The following GFM2 variants were observed in gnomAD, a reference collection of about 807,000 sequenced individuals.
GFM2 encodes ribosome-releasing factor 2, mitochondrial.
In GFM2, 72 loss-of-function variants were observed where a neutral mutation model predicts 95.4. That is an observed-to-expected ratio of 0.76 (90% CI 0.62 to 0.92). GFM2 has a LOEUF of 0.92. Among genes scored for constraint, GFM2 ranks in the 40% least tolerant of loss-of-function variants. GFM2 has a pLI of 0.00. For missense variants in GFM2, 825 were observed against 924.1 expected, an observed-to-expected ratio of 0.89 and a Z score of 1.39; for synonymous variants, 276 against 317.5, an observed-to-expected ratio of 0.87 and a Z score of 1.39.
At chr5:74,722,166 G>A (rs1214361536) in intron 20 of GFM2, 2 of 553,888 alleles carry the variant, frequency 3.6e-6, no homozygotes, top group African/African-American at 1.9e-5. Flanking sequence ...TTTTGGGACT[G>A]TAAATACCCC....
At chr5:74,725,184 A>G (rs1750090934) in intron 19 of GFM2, 1 of 156,414 alleles carries the variant, frequency 6.4e-6, no homozygotes, top group Admixed American at 6.3e-5. Flanking sequence ...ATTTTAGTAT[A>G]TGTGCTGCTG....
chr5:74,722,141 T>G (rs1163363399), intron 20 of GFM2, among the ~76,000 whole-genome samples: 1 of 152,172 alleles, frequency 6.6e-6, no homozygotes, highest in Non-Finnish European at 1.5e-5. Context: ...AATGGTCATA[T>G]AGGCTGGTAC....
At chr5:74,754,710 A>G (rs1048152192) in intron 5 of GFM2, among the ~76,000 whole-genome samples, 1 of 152,260 alleles carries the variant, frequency 6.6e-6, no homozygotes, top group East Asian at 1.9e-4. Context: ...CCAAATTTAT[A>G]AAATAATTAC....
intron 19 of GFM2, among the ~76,000 whole-genome samples, chr5:74,724,912 C>A (rs557828334): frequency 1.3e-5 from 2 of 152,216 alleles, no homozygotes; most frequent in South Asian, 4.2e-4. Context: ...CTGGTAGGTT[C>A]ATGAGGCAGG....
intron 16 of GFM2, among the ~76,000 whole-genome samples, chr5:74,731,092 C>A (rs1055466327): frequency 1.3e-5 from 2 of 152,132 alleles, no homozygotes; most frequent in South Asian, 4.1e-4. Flanking sequence ...GGATTACAGG[C>A]GTGAGCCACC....
chr5:74,735,679 T>C (rs971791556), intron 15 of GFM2, among the ~76,000 whole-genome samples: 15 of 152,088 alleles, frequency 9.9e-5, no homozygotes, highest in African/African-American at 3.6e-4. Context: ...AGAAAAGAAA[T>C]AGCGATGCAA....
chr5:74,732,529 G>C (rs952536861), intron 16 of GFM2, among the ~76,000 whole-genome samples: 19 of 152,102 alleles, frequency 1.2e-4, no homozygotes, highest in African/African-American at 4.3e-4. Context: ...CAAAACATCT[G>C]TTCTACTGTG....
In GFM2 at chr5:74,745,835, G is replaced by A; in HGVS notation, c.692C>T (p.Thr231Ile). The A allele has an allele frequency of 6.2e-7, 1 of 1,611,754 alleles. No individual in the cohort carries two copies. Among genetic ancestry groups the A allele is most frequent in the Non-Finnish European group, 8.5e-7 (1 of 1,179,622 alleles). The change falls in exon 10 of 21, where the codon ACT becomes ATT. Residue 231 changes from threonine to isoleucine, a missense_variant. Physicochemically the swap from Thr to Ile is moderately conservative, Grantham distance 89 (BLOSUM62 -1). Transcript: ENST00000296805. ...LLQLPIGEAK[T>I]FKGVVDVVMK... ...TACTACATCCACCACTCCTTTGAAA[G>A]TTTTGGCTTCACCAATTGGTAACTG...
At chr5:74,765,858 G>A (rs546132256) in intron 1 of GFM2, among the ~76,000 whole-genome samples, 1 of 152,174 alleles carries the variant, frequency 6.6e-6, no homozygotes, top group Non-Finnish European at 1.5e-5. Context: ...TATTAGCTGG[G>A]TGTGGTGGCG....
In GFM2 at chr5:74,721,292, TTGACCCTC is replaced by T; in HGVS notation, c.*355_*362del. 1.1e-6 allele frequency: 1 copy of T among 890,684 alleles called. No homozygotes were observed. The highest frequency in any genetic ancestry group is 2.6e-5 in the East Asian group (1 of 37,818). 55.2% of individuals were successfully genotyped at this position (890,684 alleles called of 1,614,324 possible). On this transcript the variant is annotated 3_prime_UTR_variant, in exon 21 of 21. Transcript: ENST00000296805. ...TAAAATATTTTTATTGATTGAACCT[TTGACCCTC>T]TATCTTATTACATTTAGAGGCCTGG...
At chr5:74,733,235 A>T (rs1742665206) in intron 15 of GFM2, 137 bp from the exon 16 acceptor site, 2 of 609,226 alleles carry the variant, frequency 3.3e-6, no homozygotes, top group Non-Finnish European at 5.8e-6. Flanking sequence ...TCACGTCTGT[A>T]ATCCCAGCAC....
At chr5:74,754,320 A>C (rs1743868270) in intron 5 of GFM2, among the ~76,000 whole-genome samples, 2 of 150,252 alleles carry the variant, frequency 1.3e-5, no homozygotes, top group South Asian at 2.1e-4. Context: ...AAAAAAAAAA[A>C]ACAAGGTATT....
At chr5:74,766,866 A>T (rs1744652974) in intron 1 of GFM2, 72 bp downstream of exon 1, 1 of 152,906 alleles carries the variant, frequency 6.5e-6, no homozygotes, top group Non-Finnish European at 1.5e-5. Flanking sequence ...CGCAGCCTGA[A>T]AGGTCAGCGG....
chr5:74,730,941 G>A (rs1246523759), intron 16 of GFM2, among the ~76,000 whole-genome samples: 1 of 152,028 alleles, frequency 6.6e-6, no homozygotes, highest in Non-Finnish European at 1.5e-5. Flanking sequence ...AGCCTCCCAA[G>A]CAGCTGGGAT....
chr5:74,746,033 GA>G, intron 9 of GFM2, 71 bp downstream of exon 9: 1 of 1,177,540 alleles, frequency 8.5e-7, no homozygotes, highest in Non-Finnish European at 1.2e-6. Context: ...GATAGCTTTG[GA>G]AATGTATATA....
At chr5:74,763,447 A>T (rs1194958810) in intron 2 of GFM2, among the ~76,000 whole-genome samples, 1 of 152,220 alleles carries the variant, frequency 6.6e-6, no homozygotes, top group Non-Finnish European at 1.5e-5. Context: ...TTAGTACTCC[A>T]TGAGACCAGT....
intron 2 of GFM2, among the ~76,000 whole-genome samples, chr5:74,761,208 CT>C (rs1329441872): frequency 2.0e-5 from 3 of 152,242 alleles, no homozygotes; most frequent in Non-Finnish European, 4.4e-5. Context: ...TTGAGCTGAC[CT>C]TAAAACAATG....
intron 15 of GFM2, among the ~76,000 whole-genome samples, chr5:74,735,429 G>A (rs1051213941): frequency 6.6e-6 from 1 of 152,152 alleles, no homozygotes; most frequent in Non-Finnish European, 1.5e-5. Flanking sequence ...GACAAGGGGA[G>A]GCAATAGAGA....
At chr5:74,745,102 G>A (rs1322351816) in intron 10 of GFM2, among the ~76,000 whole-genome samples, 4 of 152,254 alleles carry the variant, frequency 2.6e-5, no homozygotes, top group East Asian at 1.9e-4. Flanking sequence ...ACTTTGGGAC[G>A]CTGAGGTGGG....
Sources: allele counts gnomAD v4.1 joint callset (sites outside exome capture counted in the v4.1 genomes callset), GRCh38; gene constraint gnomAD v4.1.1; transcripts MANE v1.5; gene names NCBI Gene and HGNC (gene_info 2026-07-23, HGNC 2026-07-21).